The following DIAPH3 variants were observed in gnomAD, a reference collection of about 807,000 sequenced individuals.
DIAPH3 encodes diaphanous related formin 3, also known as protein diaphanous homolog 3.
Under a neutral mutation model 144.3 loss-of-function variants are expected in DIAPH3, and 117 were observed. The ratio of observed to expected loss-of-function variants is 0.81; its 90% CI spans 0.70 to 0.95. DIAPH3 has a LOEUF of 0.95. Among genes scored for constraint, DIAPH3 ranks in the 40% least tolerant of loss-of-function variants. DIAPH3 has a pLI of 0.00. For missense variants in DIAPH3, 1,421 were observed against 1,412.7 expected (o/e 1.01, Z -0.09); for synonymous variants, 519 against 488.9 (o/e 1.06, Z -0.81).
At chr13:59,965,177 G>C (rs982871921) in intron 17 of DIAPH3, among the ~76,000 whole-genome samples, 6 of 152,078 alleles carry the variant, frequency 3.9e-5, no homozygotes, top group African/African-American at 1.2e-4. Flanking sequence ...ATCTAAGCTT[G>C]ATTTGTTTTT....
chr13:60,003,182 G>C (rs1482010773), intron 9 of DIAPH3, among the ~76,000 whole-genome samples: 2 of 152,104 alleles, frequency 1.3e-5, no homozygotes, highest in Non-Finnish European at 2.9e-5. Flanking sequence ...ACTTCCATTA[G>C]AGCATTGCTG....
At chr13:60,095,426 T>C (rs1174605633) in intron 3 of DIAPH3, among the ~76,000 whole-genome samples, 1 of 151,966 alleles carries the variant, frequency 6.6e-6, no homozygotes, top group Non-Finnish European at 1.5e-5. Flanking sequence ...ATATGCAAAT[T>C]AGGGGGTGGG....
chr13:59,922,146 GAAGAT>G (rs2047550147), intron 18 of DIAPH3, among the ~76,000 whole-genome samples: 1 of 151,906 alleles, frequency 6.6e-6, no homozygotes, highest in Admixed American at 6.6e-5. Flanking sequence ...AAATCTGGAA[GAAGAT>G]AAGGATCTCC....
chr13:59,922,023 TAAC>T (rs1465380202), intron 18 of DIAPH3, among the ~76,000 whole-genome samples: 1 of 152,080 alleles, frequency 6.6e-6, no homozygotes, highest in African/African-American at 2.4e-5. Flanking sequence ...TAAAGAATTT[TAAC>T]AAATTAGGTA....
Position 59,974,387 on chromosome 13 carries a change from C to A in DIAPH3, c.1615G>T (p.Glu539Ter). The change falls in exon 15 of 28, where the codon GAG (glutamate) becomes TAG (stop). Residue 539 changes from glutamate to a stop codon, truncating the protein, a stop_gained. Transcript: ENST00000400324. LOFTEE classifies it high-confidence loss of function. ...ELQKKEAKIN[E>*]LQAELQAFKS... ...AAAGCTTGTAGCTCTGCTTGAAGCT[C>A]ATTAATCTTTGCCTCTTTTTTCTGC... 1 of 1,612,178 alleles carries A rather than the reference C, an allele frequency of 6.2e-7. No individual in the cohort carries two copies. Among genetic ancestry groups the A allele is most frequent in the Non-Finnish European group, 8.5e-7 (1 of 1,179,456 alleles).
intron 4 of DIAPH3, among the ~76,000 whole-genome samples, chr13:60,091,060 A>G (rs2057912246): frequency 6.6e-6 from 1 of 152,212 alleles, no homozygotes; most frequent in Non-Finnish European, 1.5e-5. Context: ...AATATGAACT[A>G]TCATGCCAAG....
intron 22 of DIAPH3, among the ~76,000 whole-genome samples, chr13:59,844,300 C>T (rs918761758): frequency 8.6e-5 from 13 of 151,762 alleles, no homozygotes; most frequent in African/African-American, 1.2e-4. Context: ...GTCAGGACAT[C>T]GAGACCATCC....
chr13:59,739,782 G>C (rs2036353146), intron 27 of DIAPH3, among the ~76,000 whole-genome samples: 1 of 151,900 alleles, frequency 6.6e-6, no homozygotes, highest in African/African-American at 2.4e-5. Flanking sequence ...ACATAATGGA[G>C]GACCCTGAAA....
chr13:59,885,258 A>T (rs984831940), intron 20 of DIAPH3, among the ~76,000 whole-genome samples: 1 of 152,060 alleles, frequency 6.6e-6, no homozygotes, highest in Admixed American at 6.6e-5. Context: ...TCTTGAATTA[A>T]AAAGCTGGCA....
intron 2 of DIAPH3, among the ~76,000 whole-genome samples, chr13:60,123,372 G>A (rs1409945193): frequency 2.0e-5 from 3 of 152,070 alleles, no homozygotes; most frequent in Non-Finnish European, 4.4e-5. Context: ...TGAATGAGTG[G>A]ACAAAACAAT....
chr13:59,904,693 T>C (rs558457964), intron 20 of DIAPH3, among the ~76,000 whole-genome samples: 1 of 152,300 alleles, frequency 6.6e-6, no homozygotes, highest in South Asian at 2.1e-4. Context: ...CAGATCTTCA[T>C]TTTAATTCAC....
chr13:59,737,730 C>T (rs1402229985), intron 27 of DIAPH3, among the ~76,000 whole-genome samples: 1 of 152,212 alleles, frequency 6.6e-6, no homozygotes, highest in Non-Finnish European at 1.5e-5. Context: ...AAAGGTTATT[C>T]TGAATTCCAA....
At chr13:60,127,689 G>C (rs1453381892) in intron 2 of DIAPH3, among the ~76,000 whole-genome samples, 1 of 152,112 alleles carries the variant, frequency 6.6e-6, no homozygotes, top group South Asian at 2.1e-4. Flanking sequence ...CTGAACTATA[G>C]TTCAGAATGC....
intron 24 of DIAPH3, among the ~76,000 whole-genome samples, chr13:59,825,290 T>C (rs1006170259): frequency 1.3e-5 from 2 of 152,158 alleles, no homozygotes; most frequent in Non-Finnish European, 2.9e-5. Context: ...ATATGGTGTT[T>C]GGTTTTTTGT....
At chr13:59,848,475 C>A (rs1428537201) in intron 22 of DIAPH3, among the ~76,000 whole-genome samples, 1 of 150,114 alleles carries the variant, frequency 6.7e-6, no homozygotes, top group African/African-American at 2.4e-5. Context: ...GCTCCCCCCA[C>A]CCCACCACAG....
intron 1 of DIAPH3, among the ~76,000 whole-genome samples, chr13:60,157,038 A>G (rs1285090970): frequency 1.3e-5 from 2 of 148,436 alleles, no homozygotes; most frequent in Non-Finnish European, 3.0e-5. Context: ...TTTGCCTCCC[A>G]GATTCAAGCG....
At chr13:59,898,095 A>G (rs1298661552) in intron 20 of DIAPH3, among the ~76,000 whole-genome samples, 1 of 136,442 alleles carries the variant, frequency 7.3e-6, no homozygotes, top group East Asian at 2.3e-4. Flanking sequence ...AGATTGCACC[A>G]CTGAACTCCA....
rs118169873 is a variant in DIAPH3 at position 60,161,287 on chromosome 13, A to C, written c.180+2300T>G. Among the ~76,000 whole-genome samples the C allele has an allele frequency of 8.4e-4, 128 of 152,356 alleles. 4 individuals carry two copies. In the East Asian group the frequency reaches 0.023, roughly 27 times the overall value. ...GAACTAACTTGACATCTGCAAGAAC[A>C]GTGACTGACTTGACACCTACAAGTA... On this transcript the variant is annotated intron_variant, in intron 1 of 27. Coordinates refer to ENST00000400324, the MANE Select transcript of DIAPH3 (RefSeq NM_001042517.2).
chr13:59,756,749 A>G (rs1157144113), intron 27 of DIAPH3, among the ~76,000 whole-genome samples: 1 of 152,154 alleles, frequency 6.6e-6, no homozygotes, highest in Middle Eastern at 3.2e-3. Context: ...ATTTCTTGCC[A>G]CTGGGATTTA....
Sources: allele counts gnomAD v4.1 joint callset (sites outside exome capture counted in the v4.1 genomes callset), GRCh38; gene constraint gnomAD v4.1.1; transcripts MANE v1.5; gene names NCBI Gene and HGNC (gene_info 2026-07-23, HGNC 2026-07-21).